Variants in PREX2 observed in about 807,000 individuals in gnomAD.
PREX2 encodes the protein phosphatidylinositol-3,4,5-trisphosphate dependent Rac exchange factor 2.
Under a neutral mutation model 203.2 loss-of-function variants are expected in PREX2, and 107 were observed. The ratio of observed to expected loss-of-function variants is 0.53; its 90% CI spans 0.45 to 0.62. The LOEUF (loss-of-function observed/expected upper bound fraction) is 0.62, where lower values mean the gene tolerates loss of function less well. Among genes scored for constraint, PREX2 ranks in the 20% least tolerant of loss-of-function variants. PREX2 has a pLI of 0.00. For synonymous variants in PREX2, 672 were observed against 663.6 expected, an observed-to-expected ratio of 1.01 and a Z score of -0.19; for missense variants, 1,777 against 1,955.9, an observed-to-expected ratio of 0.91 and a Z score of 1.72.
intron 9 of PREX2, 141 bp from the exon 10 acceptor site, chr8:68,055,689 G>A: frequency 2.7e-6 from 2 of 730,188 alleles, no homozygotes; most frequent in Non-Finnish European, 2.2e-6. Context: ...TTGAACACCA[G>A]GGCACTATTA....
intron 32 of PREX2, among the ~76,000 whole-genome samples, chr8:68,137,423 C>T (rs984799590): frequency 4.0e-5 from 6 of 151,850 alleles, no homozygotes; most frequent in African/African-American, 1.5e-4. Flanking sequence ...AGGTGCATGC[C>T]ACCATACCCA....
intron 19 of PREX2, among the ~76,000 whole-genome samples, chr8:68,090,100 C>T (rs1186084321): frequency 6.6e-6 from 1 of 152,100 alleles, no homozygotes; most frequent in African/African-American, 2.4e-5. Flanking sequence ...ATCATAGTTG[C>T]TCATTGACTT....
At chr8:68,067,632 A>G (rs1353427979) in intron 11 of PREX2, among the ~76,000 whole-genome samples, 1 of 151,950 alleles carries the variant, frequency 6.6e-6, no homozygotes, top group Non-Finnish European at 1.5e-5. Flanking sequence ...GGTGGAAGTT[A>G]TATGGTTTTC....
chr8:68,077,399 A>G lies in PREX2; in HGVS notation c.1572A>G (p.Gly524=). Residue 524 remains glycine (G), a splice_region_variant and synonymous_variant, in exon 15 of 40, where the codon GGA becomes GGG. Coordinates refer to ENST00000288368, the MANE Select transcript of PREX2 (RefSeq NM_024870.4). ...CACAGTGCTTTTTTGGTTAACAGGG[A>G]GATTGCCGCACCAGAGAAGAGGCAA... ...NKLIDWLIAQ[G]DCRTREEAMI... 6.2e-7 allele frequency: 1 copy of G among 1,613,036 alleles called. No homozygotes were observed.
At chr8:68,001,385 A>G (rs1216925738) in intron 1 of PREX2, among the ~76,000 whole-genome samples, 1 of 152,230 alleles carries the variant, frequency 6.6e-6, no homozygotes, top group African/African-American at 2.4e-5. Context: ...AATCAAAACC[A>G]CAATGGAGTT....
rs142155972 is a variant in PREX2, at chr8:68,075,575, G to C, written c.1570-1822G>C. On this transcript the variant is annotated intron_variant, in intron 14 of 39. Transcript: ENST00000288368. ...CCTCATTGGGAATATGGATTAAATTGGTTATTGGTAAAGTACTTACCTTTT... is the reference window on the plus strand; with the variant it reads ...CCTCATTGGGAATATGGATTAAATTCGTTATTGGTAAAGTACTTACCTTTT... Among the ~76,000 whole-genome samples, 173 of 152,234 alleles carry C rather than the reference G, an allele frequency of 1.1e-3. 1 individual carries two copies. Among genetic ancestry groups the C allele is most frequent in the Non-Finnish European group, 2.1e-3 (141 of 68,024 alleles).
At chr8:68,053,380 T>C (rs1170738595) in intron 9 of PREX2, 134 bp downstream of exon 9, 3 of 925,232 alleles carry the variant, frequency 3.2e-6, no homozygotes, top group African/African-American at 3.4e-5. Context: ...GCAAAAGTTA[T>C]TGCAGTTTTG....
intron 1 of PREX2, among the ~76,000 whole-genome samples, chr8:67,957,317 A>G (rs1357493683): frequency 2.0e-5 from 3 of 152,202 alleles, no homozygotes; most frequent in Non-Finnish European, 4.4e-5. Context: ...CACAGTTAGT[A>G]TGGCGCCTTG....
At chr8:68,014,315 A>G (rs1045958017) in intron 1 of PREX2, among the ~76,000 whole-genome samples, 1 of 152,242 alleles carries the variant, frequency 6.6e-6, no homozygotes, top group Non-Finnish European at 1.5e-5. Context: ...AAGAGAAAAT[A>G]AAGAGTACTC....
chr8:68,224,647 G>A (rs934844113), intron 39 of PREX2, 21 bp downstream of exon 39: 3 of 1,591,750 alleles, frequency 1.9e-6, no homozygotes, highest in Non-Finnish European at 2.6e-6. Context: ...CCCCTGCTCT[G>A]CCCTTGCCCG....
intron 37 of PREX2, among the ~76,000 whole-genome samples, chr8:68,201,053 T>C (rs997870394): frequency 1.5e-4 from 23 of 152,184 alleles, no homozygotes; most frequent in African/African-American, 4.3e-4. Context: ...AGAGCATAGT[T>C]CTTTGTATTT....
At chr8:68,201,690 C>G (rs925953326) in intron 37 of PREX2, among the ~76,000 whole-genome samples, 24 of 152,062 alleles carry the variant, frequency 1.6e-4, no homozygotes, top group African/African-American at 5.8e-4. Context: ...TTTGGCAACA[C>G]CCTCACAAAC....
intron 2 of PREX2, 135 bp from the exon 3 acceptor site, chr8:68,019,414 A>G (rs1807497750): frequency 1.6e-6 from 1 of 636,038 alleles, no homozygotes; most frequent in East Asian, 3.1e-5. Context: ...TCCAGACAAA[A>G]TTGAGGCTCT....
At chr8:68,101,549 T>C in intron 23 of PREX2, 1 of 474,618 alleles carries the variant, frequency 2.1e-6, no homozygotes. Context: ...CAGAAGATTC[T>C]TTTCTTACTT....
chr8:68,021,447 T>C (rs976617206), intron 3 of PREX2, among the ~76,000 whole-genome samples: 1 of 152,332 alleles, frequency 6.6e-6, no homozygotes, highest in Non-Finnish European at 1.5e-5. Flanking sequence ...CTCATTCTCT[T>C]AGTTGCTTGT....
intron 1 of PREX2, among the ~76,000 whole-genome samples, chr8:67,962,980 T>G (rs1398004626): frequency 6.6e-6 from 1 of 152,198 alleles, no homozygotes; most frequent in Non-Finnish European, 1.5e-5. Flanking sequence ...CAAGTTTTCT[T>G]GTACCACTTC....
intron 1 of PREX2, among the ~76,000 whole-genome samples, chr8:67,967,716 A>C (rs1017844624): frequency 1.3e-5 from 2 of 152,230 alleles, no homozygotes; most frequent in East Asian, 3.8e-4. Flanking sequence ...CCCAGACGTG[A>C]GTTAAAAGCT....
intron 3 of PREX2, among the ~76,000 whole-genome samples, chr8:68,019,893 C>T (rs536980602): frequency 6.6e-5 from 10 of 152,248 alleles, no homozygotes; most frequent in Admixed American, 6.5e-4. Context: ...TTCTTTTCCC[C>T]GACAAGTTAG....
In PREX2 at chr8:68,233,270, T is replaced by C. The variant is rs1813202969; in HGVS notation, c.*1892T>C. ...TGATTAGCTAGCAAGTCCTTTCATA[T>C]TGTCATGACTGTTTTCTCATCACCA... is the stretch of plus-strand genomic sequence containing the variant. On this transcript the variant is annotated 3_prime_UTR_variant, in exon 40 of 40. Transcript: ENST00000288368. 1 of 152,202 alleles carries C rather than the reference T, an allele frequency of 6.6e-6. No individual in the cohort carries two copies. The highest frequency in any genetic ancestry group is 2.1e-4 in the South Asian group (1 of 4,830). 9.4% of individuals were successfully genotyped at this position (152,202 alleles called of 1,614,324 possible).
Sources: gnomAD v4.1 joint callset for allele counts (sites outside exome capture counted in the v4.1 genomes callset) on GRCh38, gnomAD v4.1.1 for gene constraint, MANE v1.5 for transcripts, NCBI Gene and HGNC (gene_info 2026-07-23, HGNC 2026-07-21) for gene names.